RPH3A: variants seen among roughly 807,000 people sequenced by gnomAD.
RPH3A encodes the protein rabphilin-3A.
A neutral mutation model predicts 102.2 loss-of-function variants in RPH3A; 48 were observed. The observed-to-expected ratio is 0.47, with a 90% CI of 0.37 to 0.60. RPH3A has a LOEUF of 0.60. RPH3A is among the 20% of genes least tolerant of loss of function. The pLI, the probability that RPH3A is intolerant of heterozygous loss-of-function variation, is 0.00. For missense variants in RPH3A, 781 were observed against 910.1 expected, an observed-to-expected ratio of 0.86 and a Z score of 1.83; for synonymous variants, 310 against 324.3, an observed-to-expected ratio of 0.96 and a Z score of 0.47.
intron 1 of RPH3A, among the ~76,000 whole-genome samples, chr12:112,689,010 TATC>T (rs919400164): frequency 2.6e-5 from 4 of 152,256 alleles, no homozygotes; most frequent in African/African-American, 9.6e-5. Context: ...ACTGACTTGC[TATC>T]ATCAACTCCA....
Position 112,716,155 on chromosome 12 carries a change from G to A in RPH3A, c.-139-75988G>A, listed in dbSNP as rs542015020. On this transcript the variant is annotated intron_variant, in intron 1 of 21. Coordinates refer to the RPH3A transcript ENST00000543106. The stretch of plus-strand genomic sequence containing the variant: ...GTAGGTTTTGGCCGCCTCCCTTACC[G>A]CGTGCAGTTTTATCAGCAAGGTCTT... Among the ~76,000 whole-genome samples the A allele has an allele frequency of 5.9e-5, 9 of 152,266 alleles. No homozygotes were observed. In the South Asian group the frequency reaches 8.3e-4, roughly 14 times the overall value.
intron 1 of RPH3A, among the ~76,000 whole-genome samples, chr12:112,613,258 G>A (rs35786178): frequency 0.041 from 6,207 of 152,138 alleles, 184 homozygotes; most frequent in Non-Finnish European, 0.061. Flanking sequence ...AGTTTGTTGC[G>A]GAGTGGGCTT....
rs148585239 is a variant in RPH3A at position 112,824,258 on chromosome 12, C to T, written c.-18-4043C>T. On this transcript the variant is annotated intron_variant, in intron 2 of 21. Coordinates refer to ENST00000389385, the MANE Select transcript of RPH3A (RefSeq NM_001143854.2). Reference sequence around the variant, plus strand: ...CTTGCCCTAGAAGAAGGGGGCTGTACTTTTCTACCCTCCTCTTATTCATTA... The same window carrying T: ...CTTGCCCTAGAAGAAGGGGGCTGTATTTTTCTACCCTCCTCTTATTCATTA... 1.1e-3 allele frequency among the ~76,000 whole-genome samples: 164 copies of T among 152,300 alleles called. 1 individual carries two copies. The Middle Eastern group carries it at 0.041, about 38-fold the overall frequency.
intron 1 of RPH3A, among the ~76,000 whole-genome samples, chr12:112,589,835 C>T (rs112293504): frequency 0.12 from 18,018 of 152,066 alleles, 1,584 homozygotes; most frequent in African/African-American, 0.25. Context: ...GTAATCCCAG[C>T]ACTTTGAGAA....
chr12:112,832,634 G>A (rs1351839601), intron 3 of RPH3A, among the ~76,000 whole-genome samples: 1 of 152,142 alleles, frequency 6.6e-6, no homozygotes, highest in Non-Finnish European at 1.5e-5. Flanking sequence ...TTAAGGCCAG[G>A]AGTTCGAGAC....
Position 112,896,727 on chromosome 12 carries a change from AAGAT to A in RPH3A, c.2036_2039del (p.Ile679SerfsTer53). 1 of 1,614,110 alleles carries A rather than the reference AAGAT, an allele frequency of 6.2e-7. No individual in the cohort carries two copies. Reference sequence around the variant, plus strand: ...CGAGTGTCTGAAAAATAAAGACAAGAAGATAGAGCGCTGGCACCAGCTACAGAAT... The same window carrying A: ...CGAGTGTCTGAAAAATAAAGACAAGAAGAGCGCTGGCACCAGCTACAGAAT... On this transcript the variant is annotated frameshift_variant, in exon 22 of 22. Transcript: ENST00000389385. LOFTEE classifies it high-confidence loss of function.
intron 1 of RPH3A, among the ~76,000 whole-genome samples, chr12:112,712,886 T>TTCTTCTTCTTCTTCC (rs2040473649): frequency 1.4e-5 from 2 of 138,310 alleles, no homozygotes; most frequent in African/African-American, 5.8e-5. Context: ...TTTTTTCTTC[T>TTCTTCTTCTTCTTCC]TCTTCTTCTT....
chr12:112,727,350 C>G (rs1290854662), intron 1 of RPH3A, among the ~76,000 whole-genome samples: 2 of 148,146 alleles, frequency 1.4e-5, no homozygotes, highest in African/African-American at 5.0e-5. Context: ...GAGATTGCAT[C>G]ACTGCCCTCC....
At chr12:112,801,302 G>A in intron 2 of RPH3A, among the ~76,000 whole-genome samples, 1 of 152,226 alleles carries the variant, frequency 6.6e-6, no homozygotes, top group Middle Eastern at 3.2e-3. Context: ...CAGGAGCTGG[G>A]CCCTTGGCGG....
chr12:112,708,601 A>G, intron 1 of RPH3A, among the ~76,000 whole-genome samples: 1 of 152,194 alleles, frequency 6.6e-6, no homozygotes, highest in East Asian at 1.9e-4. Flanking sequence ...CCAGAGGGAC[A>G]CCGAGTGACA....
intron 1 of RPH3A, among the ~76,000 whole-genome samples, chr12:112,575,662 G>C (rs1455677076): frequency 6.6e-6 from 1 of 152,076 alleles, no homozygotes; most frequent in African/African-American, 2.4e-5. Flanking sequence ...TAGCCACGGG[G>C]TGTCGGATGT....
intron 5 of RPH3A, among the ~76,000 whole-genome samples, chr12:112,857,735 A>G (rs372124691): frequency 1.4e-4 from 22 of 152,146 alleles, no homozygotes; most frequent in African/African-American, 5.3e-4. Context: ...GCTAATAGAG[A>G]GTGATTCCTT....
intron 16 of RPH3A, among the ~76,000 whole-genome samples, chr12:112,884,517 T>G (rs1172655846): frequency 6.6e-6 from 1 of 152,204 alleles, no homozygotes; most frequent in Non-Finnish European, 1.5e-5. Flanking sequence ...GCCAATTCCC[T>G]TTGGGTGGAC....
Position 112,896,685 on chromosome 12 carries a change from C to G in RPH3A, c.1990C>G (p.Arg664Gly). The change falls in exon 22 of 22, where the codon CGC becomes GGC. Residue 664 changes from arginine to glycine, a missense_variant. This residue lies in a region of RPH3A where 51 missense variants were observed against 100.1 expected (regional missense o/e 0.51). Transcript: ENST00000389385. ...CQLGISAKGE[R>G]LKHWYECLKN... is the part of the protein sequence containing the mutation. ...GCTGGGGATCTCTGCCAAGGGAGAG[C>G]GCTTAAAACACTGGTACGAGTGTCT... 1 of 1,614,072 alleles carries G rather than the reference C, an allele frequency of 6.2e-7. No homozygotes were observed. Among genetic ancestry groups the G allele is most frequent in the Non-Finnish European group, 8.5e-7 (1 of 1,179,982 alleles).
chr12:112,752,234 T>C (rs537718963), intron 1 of RPH3A, among the ~76,000 whole-genome samples: 1 of 152,330 alleles, frequency 6.6e-6, no homozygotes, highest in African/African-American at 2.4e-5. Flanking sequence ...GTTTTCTAAA[T>C]GTAAGATTCG....
intron 2 of RPH3A, among the ~76,000 whole-genome samples, chr12:112,823,822 CT>C (rs2041822042): frequency 6.6e-6 from 1 of 152,196 alleles, no homozygotes. Context: ...TTCTCCATTT[CT>C]GTTGACTCAC....
rs1375128201 is a variant in RPH3A at position 112,676,174 on chromosome 12, A to G, written c.-140+100855A>G. Among the ~76,000 whole-genome samples the G allele has an allele frequency of 2.0e-5, 3 of 151,974 alleles. No homozygotes were observed. The East Asian group carries it at 5.8e-4, about 29-fold the overall frequency. ...CCTCCCGTTGGCAGAATGGACCTGAAGCCAGTTAGCAAAGGAGCCCAGGCA... is the reference window on the plus strand; with the variant it reads ...CCTCCCGTTGGCAGAATGGACCTGAGGCCAGTTAGCAAAGGAGCCCAGGCA... On this transcript the variant is annotated intron_variant, in intron 1 of 21. Transcript: ENST00000543106.
chr12:112,743,559 C>G (rs1483202549), intron 1 of RPH3A, among the ~76,000 whole-genome samples: 2 of 152,204 alleles, frequency 1.3e-5, no homozygotes, highest in African/African-American at 4.8e-5. Flanking sequence ...ATCCTCCCAG[C>G]AGCCTCATGG....
intron 1 of RPH3A, among the ~76,000 whole-genome samples, chr12:112,713,487 C>T (rs1046476645): frequency 3.3e-5 from 5 of 151,844 alleles, no homozygotes; most frequent in African/African-American, 9.7e-5. Context: ...ATCTTTTTCC[C>T]GACCATCAAG....
Sources: allele counts gnomAD v4.1 joint callset (sites outside exome capture counted in the v4.1 genomes callset), GRCh38; gene constraint gnomAD v4.1.1; regional missense constraint gnomAD v4.1.1; transcripts MANE v1.5; gene names NCBI Gene and HGNC (gene_info 2026-07-23, HGNC 2026-07-21).